Variants in IMMP2L observed in about 807,000 individuals in gnomAD.
The protein encoded by IMMP2L is inner mitochondrial membrane peptidase subunit 2, also known as mitochondrial inner membrane protease subunit 2.
In IMMP2L, 18 loss-of-function variants were observed where a neutral mutation model predicts 19.3. That is an observed-to-expected ratio of 0.93 (90% confidence interval 0.64 to 1.38). The LOEUF (loss-of-function observed/expected upper bound fraction) is 1.38, where lower values mean the gene tolerates loss of function less well. Among genes scored for constraint, IMMP2L ranks in the 40% most tolerant of loss-of-function variants. IMMP2L has a pLI of 0.00. For missense variants in IMMP2L, 233 were observed against 218.2 expected (o/e 1.07, Z -0.43); for synonymous variants, 76 against 73.0 (o/e 1.04, Z -0.21).
intron 2 of IMMP2L, among the ~76,000 whole-genome samples, chr7:111,520,149 T>C (rs147533785): frequency 1.6e-3 from 239 of 152,268 alleles, no homozygotes; most frequent in African/African-American, 4.7e-3. Context: ...TTTAAAGCCA[T>C]ATGCCTATAA....
At chr7:111,041,269 TAA>T (rs1791869381) in intron 3 of IMMP2L, among the ~76,000 whole-genome samples, 1 of 152,134 alleles carries the variant, frequency 6.6e-6, no homozygotes, top group African/African-American at 2.4e-5. Flanking sequence ...GTCTAAAGAA[TAA>T]GTTTACAGAA....
intron 5 of IMMP2L, among the ~76,000 whole-genome samples, chr7:110,743,279 G>A (rs1797111053): frequency 6.6e-6 from 1 of 152,212 alleles, no homozygotes; most frequent in East Asian, 1.9e-4. Context: ...GGCAGAATAT[G>A]TCTAAATTAT....
rs1215878642 is a variant in IMMP2L at position 111,240,106 on chromosome 7, A to G, written c.239+247132T>C. On this transcript the variant is annotated intron_variant, in intron 3 of 5. Transcript: ENST00000405709. ...AATTCAATTTGAATAGAGTTTTAGTAGCAGCTCTTAAGGAAACAAAGGGTA... is the reference window on the plus strand; with the variant it reads ...AATTCAATTTGAATAGAGTTTTAGTGGCAGCTCTTAAGGAAACAAAGGGTA... Among the ~76,000 whole-genome samples, 17 of 151,916 alleles carry G rather than the reference A, an allele frequency of 1.1e-4. 1 individual carries two copies. The highest frequency in any genetic ancestry group is 1.1e-3 in the Admixed American group (16 of 15,220).
At chr7:110,871,252 ATCC>A (rs1808510869) in intron 5 of IMMP2L, among the ~76,000 whole-genome samples, 2 of 152,130 alleles carry the variant, frequency 1.3e-5, no homozygotes, top group Non-Finnish European at 2.9e-5. Flanking sequence ...TTTCTTGAAC[ATCC>A]AAGTGTGATA....
intron 3 of IMMP2L, among the ~76,000 whole-genome samples, chr7:111,296,622 A>T (rs1350452253): frequency 6.6e-6 from 1 of 150,928 alleles, no homozygotes; most frequent in Non-Finnish European, 1.5e-5. Flanking sequence ...AATTTTCTTT[A>T]AAAAAAAATA....
intron 5 of IMMP2L, among the ~76,000 whole-genome samples, chr7:110,867,927 T>TC (rs1365167136): frequency 6.6e-6 from 1 of 152,034 alleles, no homozygotes; most frequent in Non-Finnish European, 1.5e-5. Context: ...CATGCACTGC[T>TC]CAGTCATGGT....
intron 3 of IMMP2L, among the ~76,000 whole-genome samples, chr7:111,301,557 C>G (rs995723312): frequency 2.0e-5 from 3 of 151,934 alleles, no homozygotes; most frequent in African/African-American, 7.2e-5. Flanking sequence ...AGATTTTAAC[C>G]TATTTTTTTC....
At chr7:111,259,440 G>T (rs1341521838) in intron 3 of IMMP2L, among the ~76,000 whole-genome samples, 12 of 152,074 alleles carry the variant, frequency 7.9e-5, no homozygotes, top group Non-Finnish European at 1.8e-4. Flanking sequence ...TTTTAGACCA[G>T]CCTGGGTAAC....
chr7:111,448,467 A>G (rs1838762074), intron 3 of IMMP2L, among the ~76,000 whole-genome samples: 1 of 149,400 alleles, frequency 6.7e-6, no homozygotes, highest in East Asian at 2.0e-4. Context: ...TACTGGGTAC[A>G]TAACGAAATG....
intron 3 of IMMP2L, among the ~76,000 whole-genome samples, chr7:111,360,106 T>C (rs1332919439): frequency 9.9e-6 from 1 of 101,100 alleles, no homozygotes; most frequent in Non-Finnish European, 1.8e-5. Flanking sequence ...GGTTTCTGAT[T>C]ACAATTTCGC....
chr7:110,899,997 C>T (rs1811700534), intron 4 of IMMP2L, among the ~76,000 whole-genome samples: 2 of 152,130 alleles, frequency 1.3e-5, no homozygotes, highest in African/African-American at 4.8e-5. Flanking sequence ...AGAGAAAAAT[C>T]AGGGAATGTT....
chr7:110,910,774 G>A (rs2129548312), intron 4 of IMMP2L, among the ~76,000 whole-genome samples: 1 of 152,234 alleles, frequency 6.6e-6, no homozygotes, highest in African/African-American at 2.4e-5. Context: ...GTTCATATGT[G>A]AGACCTGATA....
chr7:111,053,414 T>C (rs192114869), intron 3 of IMMP2L, among the ~76,000 whole-genome samples: 2 of 152,306 alleles, frequency 1.3e-5, no homozygotes, highest in African/African-American at 4.8e-5. Flanking sequence ...TAGGTGGTCA[T>C]ATACCAGTTA....
In IMMP2L at chr7:111,007,480, C is replaced by A. The variant is rs145084299; in HGVS notation, c.240-43915G>T. 3.9e-5 allele frequency among the ~76,000 whole-genome samples: 6 copies of A among 152,196 alleles called. 1 individual carries two copies. In the East Asian group the frequency reaches 1.2e-3, roughly 29 times the overall value. ...TGGAAATACAAAAACTTTCTTAATT[C>A]TCTTGCCTCATCAGCTGTACCTTCT... On this transcript the variant is annotated intron_variant, in intron 3 of 5. Coordinates refer to ENST00000405709, the MANE Select transcript of IMMP2L (RefSeq NM_032549.4).
intron 3 of IMMP2L, among the ~76,000 whole-genome samples, chr7:111,052,689 T>C (rs1793108623): frequency 1.3e-5 from 2 of 152,194 alleles, no homozygotes; most frequent in African/African-American, 4.8e-5. Context: ...CTGGCCACAG[T>C]CACTCATATT....
intron 5 of IMMP2L, among the ~76,000 whole-genome samples, chr7:110,836,503 C>CAT (rs1804492233): frequency 6.6e-6 from 1 of 152,100 alleles, no homozygotes; most frequent in Non-Finnish European, 1.5e-5. Flanking sequence ...TCTTCTCTTG[C>CAT]CTGCTGCCAT....
intron 3 of IMMP2L, among the ~76,000 whole-genome samples, chr7:111,259,282 T>C (rs1025412615): frequency 6.6e-6 from 1 of 152,100 alleles, no homozygotes; most frequent in Non-Finnish European, 1.5e-5. Context: ...TGCACTACTG[T>C]TGACTTTATA....
intron 2 of IMMP2L, among the ~76,000 whole-genome samples, chr7:111,498,082 C>T (rs1843765551): frequency 6.6e-6 from 1 of 151,816 alleles, no homozygotes; most frequent in Admixed American, 6.6e-5. Flanking sequence ...CCTCTTATTA[C>T]TAATATTTTT....
chr7:110,675,451 G>A (rs2130383716), intron 5 of IMMP2L, among the ~76,000 whole-genome samples: 1 of 152,110 alleles, frequency 6.6e-6, no homozygotes, highest in African/African-American at 2.4e-5. Context: ...ACTCCTCCTG[G>A]GCCTCTTACT....
Sources: gnomAD v4.1 joint callset for allele counts (sites outside exome capture counted in the v4.1 genomes callset) on GRCh38, gnomAD v4.1.1 for gene constraint, MANE v1.5 for transcripts, NCBI Gene and HGNC (gene_info 2026-07-23, HGNC 2026-07-21) for gene names.